Variants in GPC6 observed in about 807,000 individuals in gnomAD.
GPC6 encodes glypican-6.
A neutral mutation model predicts 55.2 loss-of-function variants in GPC6; 14 were observed. The ratio of observed to expected loss-of-function variants is 0.25; its 90% CI spans 0.17 to 0.40. GPC6 has a LOEUF of 0.40. GPC6 is among the 10% of genes least tolerant of loss of function. GPC6 has a pLI of 1.00. For synonymous variants in GPC6, 278 were observed against 259.6 expected, an observed-to-expected ratio of 1.07 and a Z score of -0.68; for missense variants, 641 against 708.5, an observed-to-expected ratio of 0.90 and a Z score of 1.08.
At chr13:93,246,671 A>C (rs1025814803) in intron 1 of GPC6, among the ~76,000 whole-genome samples, 1 of 151,300 alleles carries the variant, frequency 6.6e-6, no homozygotes, top group Non-Finnish European at 1.5e-5. Context: ...GGTGGTGGGC[A>C]CCTGTATTCC....
At chr13:93,514,473 G>A (rs908954004) in intron 1 of GPC6, among the ~76,000 whole-genome samples, 1 of 152,128 alleles carries the variant, frequency 6.6e-6, no homozygotes, top group African/African-American at 2.4e-5. Flanking sequence ...GGGGCCAGAA[G>A]CTCCTTGGAA....
chr13:93,568,345 C>T (rs751538480), intron 2 of GPC6, among the ~76,000 whole-genome samples: 5 of 152,156 alleles, frequency 3.3e-5, no homozygotes, highest in South Asian at 2.1e-4. Flanking sequence ...GGCATGCTCT[C>T]GGTCCCACAA....
chr13:94,399,644 C>T (rs1039604898), intron 8 of GPC6, among the ~76,000 whole-genome samples: 2 of 152,154 alleles, frequency 1.3e-5, no homozygotes, highest in Non-Finnish European at 2.9e-5. Flanking sequence ...CAAGTCATTT[C>T]AGTCATAGTT....
chr13:93,420,199 G>A (rs1876876927), intron 1 of GPC6, among the ~76,000 whole-genome samples: 1 of 152,164 alleles, frequency 6.6e-6, no homozygotes, highest in African/African-American at 2.4e-5. Flanking sequence ...TAAATTGATA[G>A]AAGCTGTTCT....
At chr13:94,325,134 G>A (rs1031093238) in intron 6 of GPC6, among the ~76,000 whole-genome samples, 4 of 151,976 alleles carry the variant, frequency 2.6e-5, no homozygotes, top group African/African-American at 9.7e-5. Flanking sequence ...GAAAAGAAAA[G>A]GGAAGGAAGG....
In GPC6 at chr13:94,203,772, A is replaced by G. The variant is rs559917442; in HGVS notation, c.878-82577A>G. On this transcript the variant is annotated intron_variant, in intron 4 of 8. Transcript: ENST00000377047. ...TAAATCTGTACGTTTCTTCTCTGCT[A>G]TCTTCTCCATTGTTTCTTCTGGGAA... 5.3e-5 allele frequency among the ~76,000 whole-genome samples: 8 copies of G among 152,244 alleles called. No homozygotes were observed. The East Asian group carries it at 9.7e-4, about 18-fold the overall frequency.
At chr13:93,622,938 A>T (rs1245300033) in intron 2 of GPC6, among the ~76,000 whole-genome samples, 1 of 152,146 alleles carries the variant, frequency 6.6e-6, no homozygotes, top group East Asian at 1.9e-4. Flanking sequence ...AGCCTCTGTT[A>T]ACTACTATTC....
chr13:93,971,431 A>G (rs1028768026), intron 3 of GPC6, among the ~76,000 whole-genome samples: 19 of 152,222 alleles, frequency 1.2e-4, no homozygotes, highest in African/African-American at 4.3e-4. Flanking sequence ...TTGAAAATAA[A>G]ATTTTGAAAT....
At chr13:93,796,683 G>A (rs76158101) in intron 2 of GPC6, among the ~76,000 whole-genome samples, 4,006 of 152,246 alleles carry the variant, frequency 0.026, 84 homozygotes, top group South Asian at 0.067. Flanking sequence ...CTTACATGAA[G>A]CTATGACTTT....
chr13:94,259,039 T>C (rs1891583870), intron 4 of GPC6, among the ~76,000 whole-genome samples: 1 of 151,616 alleles, frequency 6.6e-6, no homozygotes, highest in African/African-American at 2.4e-5. Flanking sequence ...CTGGAAACCT[T>C]TCCCAGAAGC....
chr13:93,679,067 TA>T (rs560736465), intron 2 of GPC6, among the ~76,000 whole-genome samples: 66 of 152,286 alleles, frequency 4.3e-4, no homozygotes, highest in African/African-American at 1.3e-3. Context: ...ATATCGTATA[TA>T]TTTTTTTAAT....
intron 2 of GPC6, among the ~76,000 whole-genome samples, chr13:93,548,829 A>T (rs1240190893): frequency 6.6e-6 from 1 of 152,198 alleles, no homozygotes; most frequent in African/African-American, 2.4e-5. Context: ...TCTTTGGCAG[A>T]GAATTTTCTC....
At chr13:93,331,503 T>C (rs1879843162) in intron 1 of GPC6, among the ~76,000 whole-genome samples, 1 of 152,228 alleles carries the variant, frequency 6.6e-6, no homozygotes, top group Admixed American at 6.5e-5. Context: ...AATTGCTTTT[T>C]ATCACCTTTT....
At chr13:94,182,921 G>T (rs1401352939) in intron 4 of GPC6, among the ~76,000 whole-genome samples, 1 of 152,036 alleles carries the variant, frequency 6.6e-6, no homozygotes, top group East Asian at 1.9e-4. Flanking sequence ...GACTACAGGT[G>T]TGTGCCACCA....
chr13:94,031,540 A>G (rs1389975913), intron 4 of GPC6, among the ~76,000 whole-genome samples: 1 of 152,054 alleles, frequency 6.6e-6, no homozygotes, highest in Non-Finnish European at 1.5e-5. Flanking sequence ...ATTAGAAACT[A>G]TGCAGTGCGG....
At chr13:93,901,348 A>G (rs577841842) in intron 3 of GPC6, among the ~76,000 whole-genome samples, 1 of 152,170 alleles carries the variant, frequency 6.6e-6, no homozygotes, top group East Asian at 1.9e-4. Context: ...TATTTGTATT[A>G]TACTTTTATT....
intron 2 of GPC6, among the ~76,000 whole-genome samples, chr13:93,637,964 A>T (rs1370351867): frequency 6.6e-6 from 1 of 152,144 alleles, no homozygotes; most frequent in East Asian, 1.9e-4. Flanking sequence ...ATTATGCAAG[A>T]TGGAGTACTC....
chr13:94,126,215 A>G (rs936117179), intron 4 of GPC6, among the ~76,000 whole-genome samples: 4 of 152,074 alleles, frequency 2.6e-5, no homozygotes, highest in Admixed American at 2.6e-4. Context: ...TCCCATCTCT[A>G]CAAAAAAAAA....
intron 3 of GPC6, among the ~76,000 whole-genome samples, chr13:93,862,251 A>C (rs1353340848): frequency 6.6e-6 from 1 of 151,600 alleles, no homozygotes; most frequent in Non-Finnish European, 1.5e-5. Context: ...GCCATTTCTA[A>C]GGTATTTAGG....
Sources: allele counts gnomAD v4.1 joint callset (sites outside exome capture counted in the v4.1 genomes callset), GRCh38; gene constraint gnomAD v4.1.1; transcripts MANE v1.5; gene names NCBI Gene and HGNC (gene_info 2026-07-23, HGNC 2026-07-21).